The following GOLM1 variants were observed in gnomAD, a reference collection of about 807,000 sequenced individuals.
GOLM1 encodes the protein golgi membrane protein 1, also known as epididymis luminal protein 46.
In GOLM1, 31 loss-of-function variants were observed where a neutral mutation model predicts 50.5. That is an observed-to-expected ratio of 0.61 (90% CI 0.46 to 0.83). The LOEUF (loss-of-function observed/expected upper bound fraction) is 0.83, where lower values mean the gene tolerates loss of function less well. Among genes scored for constraint, GOLM1 ranks in the 40% least tolerant of loss-of-function variants. The pLI is 0.00. For missense variants in GOLM1, 491 were observed against 501.3 expected (o/e 0.98, Z 0.20); for synonymous variants, 178 against 192.8 (o/e 0.92, Z 0.64).
intron 3 of GOLM1, among the ~76,000 whole-genome samples, chr9:86,073,438 C>T (rs902747790): frequency 6.6e-6 from 1 of 152,128 alleles, no homozygotes; most frequent in African/African-American, 2.4e-5. Flanking sequence ...AGATCAAAAC[C>T]CCAAGCTGGG....
intron 3 of GOLM1, among the ~76,000 whole-genome samples, chr9:86,070,700 G>T (rs1289583050): frequency 1.3e-5 from 2 of 152,136 alleles, no homozygotes; most frequent in East Asian, 3.9e-4. Flanking sequence ...AGTAAGTACT[G>T]GTACATGGAC....
intron 3 of GOLM1, among the ~76,000 whole-genome samples, chr9:86,071,808 C>A (rs1834456282): frequency 6.6e-6 from 1 of 152,186 alleles, no homozygotes; most frequent in African/African-American, 2.4e-5. Context: ...CTAAAAGGTC[C>A]CAAACTGTAG....
In GOLM1 at chr9:86,080,664, G is replaced by A. The variant is rs77445480; in HGVS notation, c.-21-1323C>T. On this transcript the variant is annotated intron_variant, in intron 1 of 9. Coordinates refer to ENST00000388712, the MANE Select transcript of GOLM1 (RefSeq NM_016548.4). ...CTACTAGTATGGGGGCCTGCCAGGGGATAAAGAAGCAATCTAGCCGAATCA... is the reference window on the plus strand; with the variant it reads ...CTACTAGTATGGGGGCCTGCCAGGGAATAAAGAAGCAATCTAGCCGAATCA... Among the ~76,000 whole-genome samples the A allele has an allele frequency of 3.0e-3, 463 of 152,208 alleles. 2 individuals carry two copies. The highest frequency in any genetic ancestry group is 0.011 in the African/African-American group (445 of 41,506).
intron 5 of GOLM1, 69 bp from the exon 6 acceptor site, chr9:86,040,937 A>AC: frequency 1.3e-6 from 2 of 1,490,262 alleles, no homozygotes; most frequent in Non-Finnish European, 1.8e-6. Context: ...GGTGACATCC[A>AC]CTTCCATAAG....
intron 3 of GOLM1, among the ~76,000 whole-genome samples, chr9:86,075,863 CAT>C (rs1414459266): frequency 6.6e-6 from 1 of 151,938 alleles, no homozygotes; most frequent in Non-Finnish European, 1.5e-5. Context: ...AGGGAAGAAA[CAT>C]AAAGAAGCAC....
intron 1 of GOLM1, among the ~76,000 whole-genome samples, chr9:86,085,824 G>A (rs1240031172): frequency 1.3e-5 from 2 of 152,152 alleles, no homozygotes; most frequent in Non-Finnish European, 2.9e-5. Flanking sequence ...ATTTATGGCT[G>A]CATAGTATTC....
At chr9:86,098,971 C>T in intron 1 of GOLM1, among the ~76,000 whole-genome samples, 1 of 152,228 alleles carries the variant, frequency 6.6e-6, no homozygotes, top group Admixed American at 6.5e-5. Context: ...AGCCGAGAGA[C>T]TCGCGGCTCG....
intron 1 of GOLM1, among the ~76,000 whole-genome samples, chr9:86,082,244 T>G (rs1266987847): frequency 1.3e-5 from 2 of 151,574 alleles, no homozygotes; most frequent in Non-Finnish European, 2.9e-5. Flanking sequence ...GCCAGGATGG[T>G]CTTGATCTCC....
chr9:86,082,822 T>C (rs547927280), intron 1 of GOLM1, among the ~76,000 whole-genome samples: 1 of 152,360 alleles, frequency 6.6e-6, no homozygotes, highest in Non-Finnish European at 1.5e-5. Flanking sequence ...GTGATTCATA[T>C]GTATAGCCGC....
chr9:86,067,546 C>T (rs987698439), intron 3 of GOLM1, among the ~76,000 whole-genome samples: 5 of 152,214 alleles, frequency 3.3e-5, no homozygotes, highest in Admixed American at 2.0e-4. Flanking sequence ...TCCAATTCCC[C>T]TGAAATTCGG....
chr9:86,048,454 C>T (rs1833630981), intron 4 of GOLM1, among the ~76,000 whole-genome samples: 1 of 152,220 alleles, frequency 6.6e-6, no homozygotes, highest in Non-Finnish European at 1.5e-5. Flanking sequence ...GCCACACTGT[C>T]TTCCACAATG....
chr9:86,043,024 T>C (rs950684666), intron 5 of GOLM1, among the ~76,000 whole-genome samples: 14 of 152,198 alleles, frequency 9.2e-5, no homozygotes, highest in African/African-American at 2.7e-4. Context: ...ACTGGTGCAA[T>C]TGATGGCCAG....
intron 1 of GOLM1, among the ~76,000 whole-genome samples, chr9:86,088,420 G>GTGTATATATATATATA (rs1157260470): frequency 9.3e-5 from 8 of 86,298 alleles, no homozygotes; most frequent in African/African-American, 3.4e-4. Context: ...TTTGAAGGGT[G>GTGTATATATATATATA]TATATATATA....
At chr9:86,031,348 C>T (rs1832974488) in intron 9 of GOLM1, among the ~76,000 whole-genome samples, 1 of 151,724 alleles carries the variant, frequency 6.6e-6, no homozygotes, top group Non-Finnish European at 1.5e-5. Flanking sequence ...AGCAGTTACC[C>T]TCAGAGAAGA....
intron 9 of GOLM1, among the ~76,000 whole-genome samples, chr9:86,030,155 CTGCTGTGAGCCAGGATTG>C (rs1438776472): frequency 1.4e-5 from 2 of 142,854 alleles, no homozygotes; most frequent in African/African-American, 5.3e-5. Flanking sequence ...GAGGCGGAGA[CTGCTGTGAGCCAGGATTG>C]TGCCATTGCA....
chr9:86,058,197 A>G (rs1834045493), intron 3 of GOLM1, among the ~76,000 whole-genome samples: 1 of 152,202 alleles, frequency 6.6e-6, no homozygotes, highest in African/African-American at 2.4e-5. Flanking sequence ...TTCAATAGAA[A>G]TAAAATGTCA....
intron 1 of GOLM1, chr9:86,079,922 C>G (rs1234329046): frequency 7.0e-6 from 1 of 142,864 alleles, no homozygotes; most frequent in Non-Finnish European, 1.6e-5. Context: ...AAGCAGGAAA[C>G]CCATTCTGGA....
Position 86,027,888 on chromosome 9 carries a change from TA to T in GOLM1, c.1134del (p.Phe378LeufsTer11), listed in dbSNP as rs1477670534. 2.0e-5 allele frequency: 32 copies of T among 1,575,146 alleles called. No individual in the cohort carries two copies. The highest frequency in any genetic ancestry group is 2.7e-5 in the Non-Finnish European group (31 of 1,145,158). ...GTGTCTCTTTTCTGATCTTCAACAT[TA>T]AAAACTAAAAAGGAAAAACACATAA... ...LAGNDRNIDVFNVEDQKRDTI... is the reference protein window; with the variant it reads ...LAGNDRNIDVXNVEDQKRDTI... On this transcript the variant is annotated frameshift_variant, in exon 10 of 10. Coordinates refer to ENST00000388712, the MANE Select transcript of GOLM1 (RefSeq NM_016548.4). LOFTEE classifies it high-confidence loss of function.
intron 1 of GOLM1, among the ~76,000 whole-genome samples, chr9:86,097,487 T>TA (rs1835386605): frequency 6.6e-6 from 1 of 151,974 alleles, no homozygotes; most frequent in South Asian, 2.1e-4. Flanking sequence ...AAACAAGTAA[T>TA]AACAATAATG....
Sources: allele counts gnomAD v4.1 joint callset (sites outside exome capture counted in the v4.1 genomes callset), GRCh38; gene constraint gnomAD v4.1.1; transcripts MANE v1.5; gene names NCBI Gene and HGNC (gene_info 2026-07-23, HGNC 2026-07-21).